The following PPP6R3 variants were observed in gnomAD, a reference collection of about 807,000 sequenced individuals.
PPP6R3 encodes the protein protein phosphatase 6 regulatory subunit 3.
Under a neutral mutation model 110.7 loss-of-function variants are expected in PPP6R3, and 38 were observed. That is an observed-to-expected ratio of 0.34 (90% CI 0.26 to 0.45). The LOEUF is 0.45. Among genes scored for constraint, PPP6R3 ranks in the 20% least tolerant of loss-of-function variants. PPP6R3 has a pLI of 1.00. For synonymous variants in PPP6R3, 369 were observed against 373.5 expected, an observed-to-expected ratio of 0.99 and a Z score of 0.14; for missense variants, 870 against 1,062.4, an observed-to-expected ratio of 0.82 and a Z score of 2.52.
chr11:68,583,329 TC>T (rs2099568597), intron 15 of PPP6R3, among the ~76,000 whole-genome samples, 200 bp downstream of exon 15: 1 of 152,184 alleles, frequency 6.6e-6, no homozygotes, highest in African/African-American at 2.4e-5. Context: ...AAGGGATTGT[TC>T]CATCCCTGAT....
rs769981348 is a variant in PPP6R3 at position 68,551,151 on chromosome 11, C to T, written c.583C>T (p.Leu195Phe). Residue 195 changes from leucine (L) to phenylalanine (F), a missense_variant, in exon 6 of 24, where the codon CTT (leucine) becomes TTT (phenylalanine). Leu to Phe is a conservative substitution (Grantham distance 22). Transcript: ENST00000393800. The part of the protein sequence containing the change: ...WLNEEKIIQR[L>F]VEIVHPSQEE... ...AAATGAGGAGAAAATTATCCAGAGG[C>T]TTGTGGAAATAGTTCATCCATCGCA... 6 of 1,611,054 alleles carry T rather than the reference C, an allele frequency of 3.7e-6. No individual in the cohort carries two copies. Among genetic ancestry groups the T allele is most frequent in the Non-Finnish European group, 5.1e-6 (6 of 1,178,066 alleles).
chr11:68,559,761 C>A (rs769826776), intron 8 of PPP6R3, among the ~76,000 whole-genome samples: 2 of 151,980 alleles, frequency 1.3e-5, no homozygotes, highest in African/African-American at 2.4e-5. Flanking sequence ...GGATACAGTG[C>A]CCTCTTCCCA....
intron 1 of PPP6R3, among the ~76,000 whole-genome samples, chr11:68,478,646 A>AGTTTTTTTTT: frequency 9.3e-5 from 1 of 10,754 alleles, no homozygotes; most frequent in Non-Finnish European, 2.0e-4. Context: ...GCACTTGGTA[A>AGTTTTTTTTT]GTTTTTTTTT....
At chr11:68,494,777 T>A (rs986330584) in intron 1 of PPP6R3, among the ~76,000 whole-genome samples, 1 of 152,184 alleles carries the variant, frequency 6.6e-6, no homozygotes, top group East Asian at 1.9e-4. Context: ...CTGTACTTCA[T>A]GTCATTGCTC....
intron 7 of PPP6R3, among the ~76,000 whole-genome samples, chr11:68,554,661 G>A (rs549699154): frequency 6.6e-6 from 1 of 152,256 alleles, no homozygotes; most frequent in African/African-American, 2.4e-5. Context: ...CTTTGCAGCC[G>A]ATTAGGGACA....
intron 23 of PPP6R3, 44 bp downstream of exon 23, chr11:68,610,067 C>A: frequency 6.2e-7 from 1 of 1,602,508 alleles, no homozygotes; most frequent in African/African-American, 1.3e-5. Flanking sequence ...CTGCCCTGAC[C>A]TTGCCTGTTG....
chr11:68,539,431 C>T (rs1389212296), intron 3 of PPP6R3, among the ~76,000 whole-genome samples: 1 of 152,214 alleles, frequency 6.6e-6, no homozygotes, highest in Non-Finnish European at 1.5e-5. Flanking sequence ...TATATTGCTT[C>T]GTCAGTGTTT....
At chr11:68,572,112 G>T (rs1382086519) in intron 12 of PPP6R3, among the ~76,000 whole-genome samples, 1 of 152,092 alleles carries the variant, frequency 6.6e-6, no homozygotes, top group Non-Finnish European at 1.5e-5. Flanking sequence ...GTGGCAAGGG[G>T]CTAGTATTGG....
intron 1 of PPP6R3, among the ~76,000 whole-genome samples, chr11:68,463,050 A>C (rs2098719541): frequency 6.6e-6 from 1 of 152,224 alleles, no homozygotes; most frequent in South Asian, 2.1e-4. Context: ...TAGAAGTAAC[A>C]TTGACAGGAT....
chr11:68,552,081 G>A (rs979524083), intron 6 of PPP6R3, among the ~76,000 whole-genome samples: 1 of 152,208 alleles, frequency 6.6e-6, no homozygotes, highest in African/African-American at 2.4e-5. Flanking sequence ...TGTGTCTCTA[G>A]AAGAGATCTA....
Position 68,580,092 on chromosome 11 carries a change from G to A in PPP6R3, c.1546-2951G>A, listed in dbSNP as rs146938334. ...TCTGGTGTCAAGGAAAATCTCACTG[G>A]GAAGGTGCATTTGTGGAGTGGAGAG... On this transcript the variant is annotated intron_variant, in intron 14 of 23. Transcript: ENST00000393800. 2.5e-3 allele frequency among the ~76,000 whole-genome samples: 386 copies of A among 152,256 alleles called. 3 individuals are homozygous for A. Among genetic ancestry groups the A allele is most frequent in the Non-Finnish European group, 4.1e-3 (282 of 68,006 alleles).
chr11:68,535,799 TAAAAAAAA>T (rs1269536453), intron 2 of PPP6R3, among the ~76,000 whole-genome samples: 3 of 78,390 alleles, frequency 3.8e-5, no homozygotes, highest in Non-Finnish European at 7.7e-5. Flanking sequence ...CCGTCTCTAC[TAAAAAAAA>T]AAAAAAAAAA....
At position 68,609,987 on chromosome 11, in the gene PPP6R3, C is replaced by T. The variant is rs752870495; in HGVS notation, c.2534C>T (p.Ala845Val). 22 of 1,613,992 alleles carry T rather than the reference C, an allele frequency of 1.4e-5. No homozygotes were observed. Among genetic ancestry groups the T allele is most frequent in the Admixed American group, 6.7e-5 (4 of 60,006 alleles). The change falls in exon 23 of 24, where the codon GCG becomes GTG. Residue 845 changes from alanine to valine, a missense_variant. Physicochemically the swap from Ala to Val is moderately conservative, Grantham distance 64. Coordinates refer to ENST00000393800, the MANE Select transcript of PPP6R3 (RefSeq NM_001164161.2). The part of the protein sequence containing the change: ...ECPETAEAKC[A>V]APRPPSSSPE... ...CCCGAGACTGCAGAGGCGAAGTGCG[C>T]GGCGCCCAGGCCTCCCAGCAGCAGT...
In PPP6R3 at chr11:68,525,039, C is replaced by T. The variant is rs544495218; in HGVS notation, c.-7+5388C>T. On this transcript the variant is annotated intron_variant, in intron 2 of 23. Transcript: ENST00000393800. ...CAGCTGGCTGGGCTGGGGTCATGCT[C>T]TTGATGACTGCTTCTTTGACTAGGA... is the stretch of plus-strand genomic sequence containing the variant. Among the ~76,000 whole-genome samples the T allele has an allele frequency of 7.2e-5, 11 of 152,342 alleles. No homozygotes were observed. In the South Asian group the frequency reaches 2.3e-3, roughly 32 times the overall value.
Position 68,569,894 on chromosome 11 carries a change from A to G in PPP6R3, c.1275A>G (p.Lys425=), listed in dbSNP as rs374988968. The G allele has an allele frequency of 3.6e-5, 58 of 1,606,072 alleles. 1 individual carries two copies. Among genetic ancestry groups the G allele is most frequent in the East Asian group, 3.1e-4 (14 of 44,662 alleles). The stretch of plus-strand genomic sequence containing the variant: ...CCACTGGTGATAATTTGTTATTAAA[A>G]CATGTAAGCTTATTTGGTCTCGTTT... The part of the protein sequence containing the change: ...QDSTGDNLLL[K]HLFQKCQLIE... Residue 425 remains lysine, a synonymous_variant, in exon 11 of 24, where the codon AAA becomes AAG. Transcript: ENST00000393800.
chr11:68,502,424 T>C (rs1361643369), intron 1 of PPP6R3, among the ~76,000 whole-genome samples: 1 of 152,160 alleles, frequency 6.6e-6, no homozygotes, highest in Non-Finnish European at 1.5e-5. Flanking sequence ...AGAATTATTA[T>C]CATTATTGTT....
intron 19 of PPP6R3, among the ~76,000 whole-genome samples, chr11:68,599,905 C>T (rs1257851053): frequency 2.0e-5 from 3 of 152,076 alleles, no homozygotes; most frequent in Non-Finnish European, 4.4e-5. Context: ...GGGCGGTTCA[C>T]GAGGTCGGGA....
chr11:68,556,145 G>A (rs1323522491), intron 7 of PPP6R3, among the ~76,000 whole-genome samples: 3 of 152,008 alleles, frequency 2.0e-5, no homozygotes, highest in Admixed American at 6.6e-5. Context: ...ATAGCTTGCC[G>A]AGCTCTATAT....
intron 14 of PPP6R3, among the ~76,000 whole-genome samples, chr11:68,582,670 G>A (rs554609234): frequency 2.6e-5 from 4 of 152,358 alleles, no homozygotes; most frequent in Admixed American, 6.5e-5. Flanking sequence ...TGCAGGCCCC[G>A]TACATAGAAA....
Sources: allele counts gnomAD v4.1 joint callset (sites outside exome capture counted in the v4.1 genomes callset), GRCh38; gene constraint gnomAD v4.1.1; transcripts MANE v1.5; gene names NCBI Gene and HGNC (gene_info 2026-07-23, HGNC 2026-07-21).